The following ITFG1 variants were observed in gnomAD, a reference collection of about 807,000 sequenced individuals.
ITFG1 encodes integrin alpha FG-GAP repeat containing 1.
In ITFG1, 34 loss-of-function variants were observed where a neutral mutation model predicts 81.8. That is an observed-to-expected ratio of 0.42 (90% confidence interval 0.32 to 0.55). The LOEUF is 0.55. ITFG1 is among the 20% of genes least tolerant of loss of function. The pLI is 0.17. For synonymous variants in ITFG1, 285 were observed against 270.6 expected, an observed-to-expected ratio of 1.05 and a Z score of -0.52; for missense variants, 672 against 755.4, an observed-to-expected ratio of 0.89 and a Z score of 1.29.
chr16:47,246,981 A>G (rs999011645), intron 12 of ITFG1, among the ~76,000 whole-genome samples: 16 of 152,076 alleles, frequency 1.1e-4, no homozygotes, highest in Non-Finnish European at 1.8e-4. Flanking sequence ...ATGGGGTTTC[A>G]CCATGTTGAC....
chr16:47,268,674 A>G (rs1966304950), intron 10 of ITFG1, among the ~76,000 whole-genome samples: 1 of 152,210 alleles, frequency 6.6e-6, no homozygotes, highest in African/African-American at 2.4e-5. Flanking sequence ...AAACGTGTGC[A>G]TTTTTTGAAC....
intron 13 of ITFG1, among the ~76,000 whole-genome samples, chr16:47,220,129 C>T (rs1965674326): frequency 3.3e-5 from 5 of 152,134 alleles, no homozygotes; most frequent in Admixed American, 3.3e-4. Flanking sequence ...AGTTGTAAAG[C>T]TGAAGCTCAC....
At chr16:47,323,729 TCTCA>T (rs1479107196) in intron 8 of ITFG1, among the ~76,000 whole-genome samples, 1 of 152,128 alleles carries the variant, frequency 6.6e-6, no homozygotes, top group Admixed American at 6.6e-5. Context: ...AAGCTGACTA[TCTCA>T]GTGAGTTGGG....
intron 8 of ITFG1, among the ~76,000 whole-genome samples, chr16:47,351,935 A>C (rs758107361): frequency 8.6e-5 from 13 of 150,772 alleles, no homozygotes; most frequent in Non-Finnish European, 1.8e-4. Flanking sequence ...ATATTTGATA[A>C]ACCTGACAAA....
chr16:47,221,121 G>A (rs1310856373), intron 13 of ITFG1, among the ~76,000 whole-genome samples: 1 of 152,086 alleles, frequency 6.6e-6, no homozygotes, highest in Non-Finnish European at 1.5e-5. Context: ...TCCATTCCCA[G>A]AGAAATGTCA....
chr16:47,271,355 G>A (rs1234396829), intron 10 of ITFG1, among the ~76,000 whole-genome samples: 2 of 152,124 alleles, frequency 1.3e-5, no homozygotes, highest in African/African-American at 4.8e-5. Flanking sequence ...CAACAAGTAC[G>A]TGAAGAAAGC....
At chr16:47,311,979 T>C (rs1967272062) in intron 9 of ITFG1, 1 of 152,182 alleles carries the variant, frequency 6.6e-6, no homozygotes, top group African/African-American at 2.4e-5. Flanking sequence ...CATCAGTAAC[T>C]GACAGGCACT....
At chr16:47,233,605 G>T (rs559417396) in intron 13 of ITFG1, among the ~76,000 whole-genome samples, 21 of 152,290 alleles carry the variant, frequency 1.4e-4, no homozygotes, top group Middle Eastern at 3.4e-3. Flanking sequence ...TGCCTTCAAA[G>T]AAAACTTCTA....
chr16:47,330,895 A>G (rs1222362275), intron 8 of ITFG1, among the ~76,000 whole-genome samples: 1 of 152,180 alleles, frequency 6.6e-6, no homozygotes, highest in African/African-American at 2.4e-5. Context: ...TAATTCAGCC[A>G]CTGTGGAAAG....
chr16:47,364,217 C>T (rs936376715), intron 8 of ITFG1, among the ~76,000 whole-genome samples: 1 of 152,118 alleles, frequency 6.6e-6, no homozygotes. Flanking sequence ...AAAAAGTTTA[C>T]TGATGAACTA....
At chr16:47,276,195 A>AT (rs1345825025) in intron 10 of ITFG1, among the ~76,000 whole-genome samples, 1 of 152,194 alleles carries the variant, frequency 6.6e-6, no homozygotes, top group Non-Finnish European at 1.5e-5. Flanking sequence ...AAATAGTCAG[A>AT]TTGATGAATA....
intron 2 of ITFG1, among the ~76,000 whole-genome samples, chr16:47,454,365 C>T (rs945185536): frequency 6.6e-6 from 1 of 152,126 alleles, no homozygotes; most frequent in African/African-American, 2.4e-5. Context: ...AGAATAGTCT[C>T]AAGAAACAAG....
chr16:47,337,213 T>A (rs754443618), intron 8 of ITFG1, among the ~76,000 whole-genome samples: 89 of 151,712 alleles, frequency 5.9e-4, no homozygotes, highest in Admixed American at 3.9e-4. Context: ...ATATAGGTAC[T>A]TGATATCCTC....
At chr16:47,353,210 T>TA (rs1247859638) in intron 8 of ITFG1, among the ~76,000 whole-genome samples, 1 of 151,040 alleles carries the variant, frequency 6.6e-6, no homozygotes, top group Non-Finnish European at 1.5e-5. Context: ...AAAGTATAAT[T>TA]AAAAAAAATT....
chr16:47,456,307 TA>T (rs1334366231), intron 2 of ITFG1, among the ~76,000 whole-genome samples: 3 of 152,214 alleles, frequency 2.0e-5, no homozygotes, highest in African/African-American at 7.2e-5. Context: ...TAAAACAATT[TA>T]CATTTAAAAG....
At chr16:47,461,131 G>A (rs1426079360), upstream of ITFG1, 28 of 1,309,654 alleles carry the variant, frequency 2.1e-5, no homozygotes, top group Non-Finnish European at 2.7e-5. Context: ...AGAGAGTGGC[G>A]CGCAGCCCCG....
intron 8 of ITFG1, 156 bp downstream of exon 8, chr16:47,365,632 A>G: frequency 2.0e-6 from 1 of 509,930 alleles, no homozygotes; most frequent in Non-Finnish European, 3.5e-6. Flanking sequence ...CATGTCACAT[A>G]CAATACTATT....
chr16:47,402,697 G>T (rs951365439), intron 6 of ITFG1, among the ~76,000 whole-genome samples: 1 of 152,120 alleles, frequency 6.6e-6, no homozygotes, highest in East Asian at 1.9e-4. Context: ...CGATTTGCTG[G>T]TCAGTGATTT....
chr16:47,205,705 C>T (rs993552181), intron 14 of ITFG1, among the ~76,000 whole-genome samples: 1 of 152,168 alleles, frequency 6.6e-6, no homozygotes, highest in Non-Finnish European at 1.5e-5. Flanking sequence ...CTTCAACAGA[C>T]TTCATCCTAG....
Sources: gnomAD v4.1 joint callset for allele counts (sites outside exome capture counted in the v4.1 genomes callset) on GRCh38, gnomAD v4.1.1 for gene constraint, MANE v1.5 for transcripts, NCBI Gene and HGNC (gene_info 2026-07-23, HGNC 2026-07-21) for gene names.